Variants in STXBP5L observed in about 807,000 individuals in gnomAD.
The protein encoded by STXBP5L is syntaxin-binding protein 5-like.
In STXBP5L, 65 loss-of-function variants were observed where a neutral mutation model predicts 144.5. The observed-to-expected ratio is 0.45, with a 90% CI of 0.37 to 0.55. The LOEUF is 0.55. Among genes scored for constraint, STXBP5L ranks in the 20% least tolerant of loss-of-function variants. The pLI, the probability that STXBP5L is intolerant of heterozygous loss-of-function variation, is 0.00. For missense variants in STXBP5L, 1,298 were observed against 1,405.5 expected, an observed-to-expected ratio of 0.92 and a Z score of 1.22; for synonymous variants, 505 against 469.6, an observed-to-expected ratio of 1.08 and a Z score of -0.97.
chr3:121,097,704 A>C (rs1266983965), intron 5 of STXBP5L, among the ~76,000 whole-genome samples: 1 of 152,092 alleles, frequency 6.6e-6, no homozygotes, highest in Non-Finnish European at 1.5e-5. Flanking sequence ...TGCAGAAATC[A>C]CCCACCTTCT....
intron 18 of STXBP5L, among the ~76,000 whole-genome samples, chr3:121,268,378 G>T (rs2050639638): frequency 6.6e-6 from 1 of 152,026 alleles, no homozygotes; most frequent in Non-Finnish European, 1.5e-5. Context: ...ACACAGGGAG[G>T]GGAACATCAC....
Position 121,407,589 on chromosome 3 carries a change from TATC to T in STXBP5L, c.2937_2939del (p.Ile979del). On this transcript the variant is annotated inframe_deletion, in exon 23 of 27. Transcript: ENST00000471454. ...TGGCATGCTTTTGTGCTAACGGACA[TATC>T]ATGATAATGAGGTACTTGCCTTCTT... 6.2e-7 allele frequency: 1 copy of T among 1,613,150 alleles called. No homozygotes were observed. The highest frequency in any genetic ancestry group is 8.5e-7 in the Non-Finnish European group (1 of 1,179,466).
chr3:121,269,865 G>T (rs1332363650), intron 18 of STXBP5L, among the ~76,000 whole-genome samples: 1 of 152,110 alleles, frequency 6.6e-6, no homozygotes, highest in Non-Finnish European at 1.5e-5. Context: ...AATGGAGAAT[G>T]GTCTACCAAT....
chr3:121,026,032 AGTT>A (rs1165249335), intron 3 of STXBP5L, among the ~76,000 whole-genome samples: 10 of 136,982 alleles, frequency 7.3e-5, no homozygotes, highest in African/African-American at 2.6e-5. Flanking sequence ...TAATTTTATA[AGTT>A]ATATATAATT....
chr3:121,303,996 T>C (rs2043241156), intron 19 of STXBP5L, among the ~76,000 whole-genome samples: 2 of 151,620 alleles, frequency 1.3e-5, no homozygotes, highest in Non-Finnish European at 2.9e-5. Flanking sequence ...ACCTGCACAT[T>C]GTGCACATGT....
intron 3 of STXBP5L, among the ~76,000 whole-genome samples, chr3:120,988,089 G>C (rs1244801992): frequency 2.7e-5 from 4 of 150,442 alleles, no homozygotes; most frequent in Non-Finnish European, 5.9e-5. Flanking sequence ...TCAAGAACTA[G>C]CCTGTTGCTG....
intron 2 of STXBP5L, among the ~76,000 whole-genome samples, chr3:120,911,785 A>C (rs982267593): frequency 1.8e-4 from 27 of 152,040 alleles, no homozygotes; most frequent in South Asian, 2.1e-4. Context: ...TTTGGATAGG[A>C]ATATAGTTAA....
chr3:121,340,033 T>C (rs888345274), intron 20 of STXBP5L, among the ~76,000 whole-genome samples: 1 of 152,094 alleles, frequency 6.6e-6, no homozygotes, highest in Non-Finnish European at 1.5e-5. Flanking sequence ...AAATTATTTT[T>C]CACAAAATTA....
intron 9 of STXBP5L, among the ~76,000 whole-genome samples, chr3:121,193,115 C>T (rs1381244187): frequency 7.1e-6 from 1 of 141,822 alleles, no homozygotes; most frequent in Non-Finnish European, 1.5e-5. Context: ...AGATCTTAAA[C>T]AAATTTACAA....
chr3:121,302,462 C>T (rs917214779), intron 19 of STXBP5L, among the ~76,000 whole-genome samples: 12 of 152,160 alleles, frequency 7.9e-5, no homozygotes, highest in African/African-American at 1.9e-4. Context: ...TGCTAGCGGT[C>T]TATCAATATT....
rs753715440 is a variant in STXBP5L, at chr3:121,206,008, A to G, written c.956+7A>G. ...ACAAGACCTGCAAAAACAGGTATGC[A>G]TTTTTACTTTAGGGAAAGAGGGATA... On this transcript the variant is annotated splice_region_variant and intron_variant, in intron 10 of 26. Transcript: ENST00000471454. 6.7e-6 allele frequency: 10 copies of G among 1,482,306 alleles called. No individual in the cohort carries two copies. Among genetic ancestry groups the G allele is most frequent in the South Asian group, 1.5e-5 (1 of 68,812 alleles). 91.8% of individuals were successfully genotyped at this position (1,482,306 alleles called of 1,614,324 possible). A position where few individuals can be genotyped will look rare whatever the true frequency, so the allele number is the denominator to read the frequency against.
chr3:120,937,597 C>A (rs1710332052), intron 2 of STXBP5L, among the ~76,000 whole-genome samples: 2 of 152,100 alleles, frequency 1.3e-5, no homozygotes, highest in Non-Finnish European at 2.9e-5. Flanking sequence ...GTCCTGTGAC[C>A]TTAGTTTTCT....
intron 20 of STXBP5L, among the ~76,000 whole-genome samples, chr3:121,373,918 G>T (rs2046106155): frequency 6.6e-6 from 1 of 152,084 alleles, no homozygotes; most frequent in African/African-American, 2.4e-5. Context: ...CCTACCCAGG[G>T]ACTCAAGGAG....
intron 3 of STXBP5L, among the ~76,000 whole-genome samples, chr3:120,998,512 C>T (rs1021854642): frequency 6.6e-6 from 1 of 152,046 alleles, no homozygotes; most frequent in Admixed American, 6.6e-5. Context: ...AGGTATTTCT[C>T]CTAATGCTAT....
Position 121,114,754 on chromosome 3 carries a change from C to T in STXBP5L, c.471-171C>T, listed in dbSNP as rs149640194. ...TGCTTATTAACATTATTGTTTTTAA[C>T]GCTATAATATTATTTATCCTATACT... On this transcript the variant is annotated intron_variant, in intron 5 of 26. Transcript: ENST00000471454. Among the ~76,000 whole-genome samples the T allele has an allele frequency of 1.3e-3, 195 of 152,098 alleles. 2 individuals carry two copies. The East Asian group carries it at 0.022, about 17-fold the overall frequency.
In STXBP5L at chr3:121,407,299, G is replaced by T; in HGVS notation, c.2644G>T (p.Gly882Cys). The change falls in exon 23 of 27, where the codon GGT becomes TGT. Residue 882 changes from glycine to cysteine, a missense_variant. By Grantham distance (159) the Gly-to-Cys change is radical. Coordinates refer to ENST00000471454, the MANE Select transcript of STXBP5L (RefSeq NM_001308330.2). The stretch of plus-strand genomic sequence containing the variant: ...AACATTCTCCTGTATGGACCGAATG[G>T]GTGGATTAATGCAACCGCCATATGA... ...VLTFSCMDRM[G>C]GLMQPPYEVW... 6.2e-7 allele frequency: 1 copy of T among 1,610,868 alleles called. No homozygotes were observed. The highest frequency in any genetic ancestry group is 1.1e-5 in the South Asian group (1 of 90,624).
At chr3:121,233,915 G>A (rs2049386684) in intron 12 of STXBP5L, among the ~76,000 whole-genome samples, 1 of 152,102 alleles carries the variant, frequency 6.6e-6, no homozygotes, top group African/African-American at 2.4e-5. Flanking sequence ...CAGAAGCATT[G>A]GAGACTCAGG....
chr3:121,001,233 C>G (rs1408170572), intron 3 of STXBP5L, among the ~76,000 whole-genome samples: 6 of 152,312 alleles, frequency 3.9e-5, no homozygotes, highest in Admixed American at 3.3e-4. Context: ...AAAAAACTCT[C>G]TTACAGTTAG....
intron 20 of STXBP5L, among the ~76,000 whole-genome samples, chr3:121,368,497 A>AT (rs2045931952): frequency 6.8e-6 from 1 of 147,780 alleles, no homozygotes; most frequent in South Asian, 2.2e-4. Flanking sequence ...TTCTGTTGCT[A>AT]TTTTTTTCTT....
Sources: allele counts gnomAD v4.1 joint callset (sites outside exome capture counted in the v4.1 genomes callset), GRCh38; gene constraint gnomAD v4.1.1; transcripts MANE v1.5; gene names NCBI Gene and HGNC (gene_info 2026-07-23, HGNC 2026-07-21).